The following TRAM2 variants were observed in gnomAD, a reference collection of about 807,000 sequenced individuals.
The protein encoded by TRAM2 is translocation associated membrane protein 2.
TRAM2 carries 12 observed loss-of-function variants against 51.0 expected under a neutral mutation model. The observed-to-expected ratio is 0.24, with a 90% CI of 0.15 to 0.38. TRAM2 has a LOEUF of 0.38. Among genes scored for constraint, TRAM2 ranks in the 10% least tolerant of loss-of-function variants. The pLI, the probability that TRAM2 is intolerant of heterozygous loss-of-function variation, is 1.00. For missense variants in TRAM2, 361 were observed against 462.0 expected, an observed-to-expected ratio of 0.78 and a Z score of 2.00; for synonymous variants, 175 against 179.4, an observed-to-expected ratio of 0.98 and a Z score of 0.20.
At chr6:52,573,507 T>C (rs193193446) in intron 1 of TRAM2, among the ~76,000 whole-genome samples, 1 of 152,320 alleles carries the variant, frequency 6.6e-6, no homozygotes, top group African/African-American at 2.4e-5. Context: ...GAGCAGCTTC[T>C]CTATTCCAAG....
chr6:52,574,683 T>C (rs1172662367), intron 1 of TRAM2, among the ~76,000 whole-genome samples: 2 of 152,200 alleles, frequency 1.3e-5, no homozygotes, highest in Admixed American at 1.3e-4. Flanking sequence ...TTGTTTGTTG[T>C]TTTTCTCGTC....
chr6:52,506,214 C>T, intron 7 of TRAM2, 78 bp from the exon 8 acceptor site: 1 of 1,327,836 alleles, frequency 7.5e-7, no homozygotes, highest in Non-Finnish European at 1.1e-6. Context: ...TTGGCTCAGG[C>T]TGTCCCCTGT....
In TRAM2 at chr6:52,506,136, G is replaced by A. The variant is rs764886780; in HGVS notation, c.627C>T (p.Asn209=). The A allele has an allele frequency of 4.3e-6, 7 of 1,613,226 alleles. No individual in the cohort carries two copies. The highest frequency in any genetic ancestry group is 1.7e-6 in the Non-Finnish European group (2 of 1,179,788). Residue 209 remains asparagine, a splice_region_variant and synonymous_variant, in exon 8 of 11, where the codon AAC becomes AAT. Coordinates refer to ENST00000182527, the MANE Select transcript of TRAM2 (RefSeq NM_012288.4). ...GCAAGATCAGGCCCAGGCGGCTCAG[G>A]CTGGGGGTGGGGAAGACTAGACTTA... ...LVHIAGAYLL[N]LSRLGLILLL...
At chr6:52,571,528 C>G (rs942613689) in intron 1 of TRAM2, among the ~76,000 whole-genome samples, 9 of 152,196 alleles carry the variant, frequency 5.9e-5, no homozygotes, top group African/African-American at 1.4e-4. Context: ...AGGGCAGTCT[C>G]CCTGTGGTTT....
In TRAM2 at chr6:52,504,630, T is replaced by C. The variant is rs1181513124; in HGVS notation, c.1000A>G (p.Thr334Ala). 6 of 1,613,980 alleles carry C rather than the reference T, an allele frequency of 3.7e-6. No homozygotes were observed. Among genetic ancestry groups the C allele is most frequent in the Non-Finnish European group, 5.1e-6 (6 of 1,180,030 alleles). The stretch of plus-strand genomic sequence containing the variant: ...ATGAGCCTGGCTGGTAGTCTGGGTG[T>C]GGCTGGGACTCTCCGCTTTGCACTC... The part of the protein sequence containing the change: ...EQSAKRRVPA[T>A]PRLPARLIKR... The change falls in exon 10 of 11, where the codon ACA becomes GCA. Residue 334 changes from threonine to alanine, a missense_variant. Coordinates refer to ENST00000182527, the MANE Select transcript of TRAM2 (RefSeq NM_012288.4).
Position 52,576,974 on chromosome 6 carries a change from A to G in TRAM2, c.-59T>C. 2 of 1,521,716 alleles carry G rather than the reference A, an allele frequency of 1.3e-6. No individual in the cohort carries two copies. The highest frequency in any genetic ancestry group is 2.2e-4 in the Middle Eastern group (1 of 4,468). 94.3% of individuals were successfully genotyped at this position (1,521,716 alleles called of 1,614,324 possible). A position where few individuals can be genotyped will look rare whatever the true frequency, so the allele number is the denominator to read the frequency against. On this transcript the variant is annotated 5_prime_UTR_variant, in exon 1 of 11. Coordinates refer to ENST00000182527, the MANE Select transcript of TRAM2 (RefSeq NM_012288.4). The stretch of plus-strand genomic sequence containing the variant: ...ACCCTGCGCTCACGAACCGCAGCGC[A>G]AACTTCTCCAGCACCGGCCCGGTCC...
chr6:52,531,065 A>T (rs1214717802), intron 2 of TRAM2, among the ~76,000 whole-genome samples: 2 of 147,390 alleles, frequency 1.4e-5, no homozygotes, highest in African/African-American at 2.6e-5. Flanking sequence ...GAGTTGAGCA[A>T]GCTATACACT....
chr6:52,539,545 A>C (rs57323441), intron 1 of TRAM2, among the ~76,000 whole-genome samples: 19,037 of 152,092 alleles, frequency 0.13, 1,301 homozygotes, highest in African/African-American at 0.16. Flanking sequence ...CACAACAAAA[A>C]AAAAAAATCA....
At chr6:52,531,870 T>C (rs1766898459) in intron 2 of TRAM2, among the ~76,000 whole-genome samples, 1 of 152,240 alleles carries the variant, frequency 6.6e-6, no homozygotes, top group African/African-American at 2.4e-5. Context: ...TAATAAATGA[T>C]GTTTCATGAC....
At chr6:52,557,884 A>C (rs1767436886) in intron 1 of TRAM2, among the ~76,000 whole-genome samples, 1 of 152,144 alleles carries the variant, frequency 6.6e-6, no homozygotes, top group Admixed American at 6.5e-5. Context: ...CGGCCACGTC[A>C]CCATGGCCAT....
At chr6:52,515,153 G>T (rs1183639632) in intron 4 of TRAM2, among the ~76,000 whole-genome samples, 1 of 152,192 alleles carries the variant, frequency 6.6e-6, no homozygotes, top group Non-Finnish European at 1.5e-5. Flanking sequence ...TCTGTGGAAG[G>T]CCGGGAAGGA....
intron 2 of TRAM2, among the ~76,000 whole-genome samples, chr6:52,533,861 G>A (rs1421450922): frequency 2.0e-5 from 3 of 152,232 alleles, no homozygotes; most frequent in African/African-American, 4.8e-5. Context: ...GGAGGCTGAG[G>A]CGGGTAGATT....
chr6:52,531,702 C>G (rs1766895365), intron 2 of TRAM2, among the ~76,000 whole-genome samples: 1 of 152,210 alleles, frequency 6.6e-6, no homozygotes, highest in Non-Finnish European at 1.5e-5. Flanking sequence ...CCAGACCTCT[C>G]ACTCTACTCA....
At chr6:52,550,945 C>G (rs1212001547) in intron 1 of TRAM2, among the ~76,000 whole-genome samples, 6 of 152,192 alleles carry the variant, frequency 3.9e-5, no homozygotes, top group African/African-American at 1.4e-4. Flanking sequence ...GCATGGGAGG[C>G]AGACAAATCG....
rs956634503 is a variant in TRAM2, at chr6:52,506,082, G to C, written c.681C>G (p.Leu227=). ...LLLLQYSTEF[L]FHTARLFYFA... is the part of the protein sequence containing the mutation. ...AGTAGAAGAGTCTAGCCGTGTGGAA[G>C]AGGAACTCAGTTGAGTACTGCAGCA... The change falls in exon 8 of 11, where the codon CTC becomes CTG. Residue 227 remains leucine (L), a synonymous_variant. Transcript: ENST00000182527. 43 of 1,614,090 alleles carry C rather than the reference G, an allele frequency of 2.7e-5. No individual in the cohort carries two copies. The highest frequency in any genetic ancestry group is 3.4e-5 in the Non-Finnish European group (40 of 1,180,050).
At chr6:52,533,591 C>T (rs1332699018) in intron 2 of TRAM2, among the ~76,000 whole-genome samples, 1 of 152,216 alleles carries the variant, frequency 6.6e-6, no homozygotes, top group African/African-American at 2.4e-5. Flanking sequence ...AAGAAACTGA[C>T]TTGGTTGCCC....
At chr6:52,549,096 T>G (rs1767261478) in intron 1 of TRAM2, among the ~76,000 whole-genome samples, 1 of 152,176 alleles carries the variant, frequency 6.6e-6, no homozygotes, top group South Asian at 2.1e-4. Context: ...TAGCTTAGGA[T>G]AGTCATAACG....
intron 1 of TRAM2, among the ~76,000 whole-genome samples, chr6:52,568,053 T>C (rs17665112): frequency 0.045 from 6,898 of 152,320 alleles, 228 homozygotes; most frequent in Non-Finnish European, 0.068. Flanking sequence ...CCGCCGGACA[T>C]TTGACACATC....
chr6:52,513,173 T>C (rs917646415), intron 4 of TRAM2, among the ~76,000 whole-genome samples: 1 of 152,196 alleles, frequency 6.6e-6, no homozygotes, highest in Non-Finnish European at 1.5e-5. Flanking sequence ...CAGAGAGAAA[T>C]GTTTCAATCA....
Sources: allele counts gnomAD v4.1 joint callset (sites outside exome capture counted in the v4.1 genomes callset), GRCh38; gene constraint gnomAD v4.1.1; transcripts MANE v1.5; gene names NCBI Gene and HGNC (gene_info 2026-07-23, HGNC 2026-07-21).